Variants in PCA3 observed in about 807,000 individuals in gnomAD.
The protein encoded by PCA3 is prostate cancer associated 3.
chr9:76,770,789 G>A (rs1267114205), intron 2 of PCA3, among the ~76,000 whole-genome samples: 1 of 152,142 alleles, frequency 6.6e-6, no homozygotes, highest in Non-Finnish European at 1.5e-5. Flanking sequence ...ATTCCAAATA[G>A]CAAAGGGACA....
intron 2 of PCA3, chr9:76,786,744 A>G (rs558660173): frequency 2.0e-4 from 30 of 152,282 alleles, no homozygotes; most frequent in African/African-American, 6.3e-4. Context: ...ATTGCTTTAG[A>G]TGAACATTAG....
At chr9:76,780,639 T>C (rs1226423495) in intron 2 of PCA3, among the ~76,000 whole-genome samples, 5 of 152,084 alleles carry the variant, frequency 3.3e-5, no homozygotes, top group South Asian at 2.1e-4. Context: ...TGCAGTGAGC[T>C]GAGATCGCCC....
chr9:76,779,761 T>C (rs1288212908), intron 2 of PCA3: 1 of 152,248 alleles, frequency 6.6e-6, no homozygotes, highest in East Asian at 1.9e-4. Flanking sequence ...GGATAATGAA[T>C]GTTTCATTTA....
At chr9:76,770,355 A>G (rs1261413446) in intron 2 of PCA3, among the ~76,000 whole-genome samples, 1 of 152,186 alleles carries the variant, frequency 6.6e-6, no homozygotes, top group African/African-American at 2.4e-5. Context: ...GCATTAAAAT[A>G]TCAAGGATTT....
intron 2 of PCA3, among the ~76,000 whole-genome samples, chr9:76,770,179 G>T (rs532492778): frequency 2.0e-5 from 3 of 152,042 alleles, no homozygotes; most frequent in Admixed American, 1.3e-4. Flanking sequence ...AAAACTTTTT[G>T]ACTTCATTTG....
chr9:76,776,584 G>A (rs1043069507), intron 2 of PCA3, among the ~76,000 whole-genome samples: 7 of 131,780 alleles, frequency 5.3e-5, no homozygotes, highest in African/African-American at 1.5e-4. Flanking sequence ...GCACAATCTC[G>A]GCTCACTGCA....
At chr9:76,772,964 T>G (rs931613196) in intron 2 of PCA3, among the ~76,000 whole-genome samples, 1 of 152,208 alleles carries the variant, frequency 6.6e-6, no homozygotes, top group Non-Finnish European at 1.5e-5. Context: ...TTTTTGCTCC[T>G]TTCCTTCAAC....
chr9:76,770,705 C>A (rs60703680), intron 2 of PCA3, among the ~76,000 whole-genome samples: 7,921 of 152,182 alleles, frequency 0.052, 250 homozygotes, highest in East Asian at 0.088. Context: ...ATGATATTTT[C>A]TTTAAAGTTT....
rs879671765 is a variant in PCA3, at chr9:76,768,615, GTGTGTGTGTA to G, written n.852+32002_852+32011del. ...TGTGTGTGTGTGTGTGTGTGTGTGT[GTGTGTGTGTA>G]TATCCCTGCTGACTAGATCATCAAC... On this transcript the variant is annotated intron_variant and non_coding_transcript_variant, in intron 2 of 5. Transcript: ENST00000644657. Among the ~76,000 whole-genome samples, 538 of 146,362 alleles carry G rather than the reference GTGTGTGTGTA, an allele frequency of 3.7e-3. 2 individuals are homozygous for G. Among genetic ancestry groups the G allele is most frequent in the Non-Finnish European group, 5.7e-3 (381 of 67,190 alleles).
intron 2 of PCA3, among the ~76,000 whole-genome samples, chr9:76,774,467 T>TA: frequency 5.6e-5 from 8 of 143,748 alleles, no homozygotes; most frequent in African/African-American, 1.5e-4. Flanking sequence ...TTTTTTTTTT[T>TA]TTTTTTTTTT....
intron 2 of PCA3, among the ~76,000 whole-genome samples, chr9:76,777,065 G>T (rs1452660975): frequency 6.6e-6 from 1 of 151,940 alleles, no homozygotes; most frequent in African/African-American, 2.4e-5. Flanking sequence ...TTCCTCTTGG[G>T]CCCTTCTTTC....
chr9:76,769,094 G>A (rs1438234995), intron 2 of PCA3, among the ~76,000 whole-genome samples: 1 of 152,070 alleles, frequency 6.6e-6, no homozygotes, highest in Non-Finnish European at 1.5e-5. Context: ...TTGACAGTTT[G>A]AGAGATATTC....
At chr9:76,785,917 A>G (rs1457655903) in intron 2 of PCA3, 1 of 152,226 alleles carries the variant, frequency 6.6e-6, no homozygotes, top group African/African-American at 2.4e-5. Context: ...TAACATAAAA[A>G]AAGTTTGACT....
At chr9:76,785,883 A>T (rs2054923274) in intron 2 of PCA3, 1 of 152,188 alleles carries the variant, frequency 6.6e-6, no homozygotes, top group Admixed American at 6.5e-5. Flanking sequence ...ATTCTCCAGT[A>T]AATGTGATAA....
chr9:76,766,572 C>T (rs1008807123), intron 2 of PCA3, among the ~76,000 whole-genome samples: 1 of 152,288 alleles, frequency 6.6e-6, no homozygotes, highest in Admixed American at 6.5e-5. Context: ...CTCTCCCATC[C>T]ACTTTTTCTG....
chr9:76,776,091 T>G (rs1011429655), intron 2 of PCA3, among the ~76,000 whole-genome samples: 1 of 152,230 alleles, frequency 6.6e-6, no homozygotes, highest in African/African-American at 2.4e-5. Context: ...AATCAACTCA[T>G]GAGTAAATAT....
At chr9:76,780,547 C>T (rs1185172053) in intron 2 of PCA3, among the ~76,000 whole-genome samples, 2 of 151,982 alleles carry the variant, frequency 1.3e-5, no homozygotes, top group Non-Finnish European at 2.9e-5. Flanking sequence ...AAAAATTAGC[C>T]AGGCATGGTG....
At chr9:76,766,582 G>A (rs555002362) in intron 2 of PCA3, among the ~76,000 whole-genome samples, 69 of 152,170 alleles carry the variant, frequency 4.5e-4, no homozygotes, top group Non-Finnish European at 8.2e-4. Flanking sequence ...CACTTTTTCT[G>A]GGAATCTTGC....
intron 2 of PCA3, among the ~76,000 whole-genome samples, chr9:76,782,427 AT>A (rs1268392125): frequency 1.3e-5 from 2 of 152,058 alleles, no homozygotes; most frequent in African/African-American, 4.8e-5. Flanking sequence ...GCTTCTTCAT[AT>A]TTTTACAGCC....
Sources: allele counts gnomAD v4.1 joint callset (sites outside exome capture counted in the v4.1 genomes callset), GRCh38; gene constraint gnomAD v4.1.1; transcripts MANE v1.5; gene names NCBI Gene and HGNC (gene_info 2026-07-23, HGNC 2026-07-21).